The following MUC5B variants were observed in gnomAD, a reference collection of about 807,000 sequenced individuals.
MUC5B encodes mucin-5B.
A neutral mutation model predicts 376.9 loss-of-function variants in MUC5B; 116 were observed. The ratio of observed to expected loss-of-function variants is 0.31; its 90% CI spans 0.26 to 0.36. The LOEUF is 0.36. MUC5B is among the 10% of genes least tolerant of loss of function. The pLI, the probability that MUC5B is intolerant of heterozygous loss-of-function variation, is 1.00. For missense variants in MUC5B, 7,165 were observed against 7,769.9 expected, an observed-to-expected ratio of 0.92 and a Z score of 2.93; for synonymous variants, 3,517 against 3,390.9, an observed-to-expected ratio of 1.04 and a Z score of -1.29.
At chr11:1,252,018 T>C (rs1480375853) in intron 31 of MUC5B, among the ~76,000 whole-genome samples, 1 of 149,678 alleles carries the variant, frequency 6.7e-6, no homozygotes, top group African/African-American at 2.5e-5. Context: ...CGGTCTCCCC[T>C]GGACACAATC....
Position 1,252,877 on chromosome 11 carries a change from G to C in MUC5B, c.15114G>C (p.Leu5038=). The change falls in exon 33 of 49, where the codon CTG becomes CTC. Residue 5038 remains leucine, a synonymous_variant. Transcript: ENST00000529681. Reference sequence around the variant, plus strand: ...GCGTGGGTGACAACCGTGTCGTCCTGCTGGACCCAAAGCCTGTGGCCAACG... The same window carrying C: ...GCGTGGGTGACAACCGTGTCGTCCTCCTGGACCCAAAGCCTGTGGCCAACG... ...ARCVGDNRVV[L]LDPKPVANVT... 1.2e-6 allele frequency: 2 copies of C among 1,612,632 alleles called. No individual in the cohort carries two copies. Among genetic ancestry groups the C allele is most frequent in the Non-Finnish European group, 8.5e-7 (1 of 1,179,844 alleles).
chr11:1,248,421 C>A lies in MUC5B; in HGVS notation c.11541C>A (p.Thr3847=). ...LTTTATTTRA[T]GSVATPSSTP... ...CCACGGCCACCACAACCAGGGCCACCGGCTCTGTGGCCACCCCCTCTTCCA... is the reference window on the plus strand; with the variant it reads ...CCACGGCCACCACAACCAGGGCCACAGGCTCTGTGGCCACCCCCTCTTCCA... Residue 3847 remains threonine, a synonymous_variant, in exon 31 of 49, where the codon ACC becomes ACA. Transcript: ENST00000529681. The A allele has an allele frequency of 1.2e-6, 2 of 1,612,058 alleles. No individual in the cohort carries two copies. The highest frequency in any genetic ancestry group is 1.7e-6 in the Non-Finnish European group (2 of 1,179,096).
Position 1,250,035 on chromosome 11 carries a change from T to C in MUC5B, c.13155T>C (p.Thr4385=), listed in dbSNP as rs1251031666. ...ATSSTSTPSS[T]PGTTWILTEL... is the part of the protein sequence containing the mutation. ...GTTCCACGTCCACCCCCTCCTCCAC[T>C]CCGGGGACGACCTGGATCCTCACAG... Residue 4385 remains threonine (T), a synonymous_variant, in exon 31 of 49, where the codon ACT becomes ACC. Transcript: ENST00000529681. 1.9e-6 allele frequency: 3 copies of C among 1,605,442 alleles called. No individual in the cohort carries two copies. In the Admixed American group the frequency reaches 5.0e-5, roughly 27 times the overall value.
rs1324559640 is a variant in MUC5B at position 1,225,739 on chromosome 11, T to C, written c.127+2T>C. ...ATGCAGGGCACACCATGGATGGCGG[T>C]ATGTGGCCAGGTTCGGGGGTGGGGG... On this transcript the variant is annotated splice_donor_variant, in intron 2 of 48. Coordinates refer to ENST00000529681, the MANE Select transcript of MUC5B (RefSeq NM_002458.3). LOFTEE classifies it high-confidence loss of function. 6.2e-7 allele frequency: 1 copy of C among 1,603,896 alleles called. No individual in the cohort carries two copies. Among genetic ancestry groups the C allele is most frequent in the East Asian group, 2.3e-5 (1 of 44,444 alleles).
rs1564953182 is a variant in MUC5B at position 1,257,141 on chromosome 11, G to C, written c.16238-99G>C. 7.9e-6 allele frequency: 6 copies of C among 762,488 alleles called. No homozygotes were observed. Among genetic ancestry groups the C allele is most frequent in the Non-Finnish European group, 1.5e-5 (6 of 408,266 alleles). 47.2% of individuals were successfully genotyped at this position (762,488 alleles called of 1,614,324 possible). ...GTTCTCCAGGGCCTTCCATCCCGGG[G>C]GGAAGCAGGCTCCAGGCCTGAGAGC... On this transcript the variant is annotated intron_variant, in intron 39 of 48. Coordinates refer to ENST00000529681, the MANE Select transcript of MUC5B (RefSeq NM_002458.3). This position sits in a 1 kb window ranked among gnomAD's most constrained non-coding sequence, Gnocchi z 8.9.
rs573580007 is a variant in MUC5B at position 1,232,265 on chromosome 11, T to A, written c.1843+105T>A. The A allele has an allele frequency of 1.8e-4, 250 of 1,396,322 alleles. 2 individuals are homozygous for A. The African/African-American group carries it at 3.3e-3, about 19-fold the overall frequency. The allele number at this position is 1,396,322 out of a possible 1,614,324, so 86.5% of individuals were successfully genotyped here. A position where few individuals can be genotyped will look rare whatever the true frequency, so the allele number is the denominator to read the frequency against. ...CCCCTGGGTGGGATTGGGGACCCCA[T>A]GGAGGCAGGTGGGAGGCATCAGGAG... On this transcript the variant is annotated intron_variant, in intron 15 of 48. Coordinates refer to ENST00000529681, the MANE Select transcript of MUC5B (RefSeq NM_002458.3).
chr11:1,250,748 C>A lies in MUC5B; in HGVS notation c.13868C>A (p.Thr4623Asn), dbSNP rs543245428. 5.6e-6 allele frequency: 9 copies of A among 1,600,386 alleles called. No homozygotes were observed. In the South Asian group the frequency reaches 7.7e-5, roughly 14 times the overall value. Residue 4623 changes from threonine to asparagine, a missense_variant, in exon 31 of 49, where the codon ACC becomes AAC. Coordinates refer to ENST00000529681, the MANE Select transcript of MUC5B (RefSeq NM_002458.3). ...CCTCCAGTGTGGATCAGCACAACCA[C>A]CACACCCACAACCACCACACCCACA... is the stretch of plus-strand genomic sequence containing the variant. ...LTPPVWISTTTTPTTTTPTTS... is the reference protein window; with the variant it reads ...LTPPVWISTTNTPTTTTPTTS...
rs915643812 is a variant in MUC5B at position 1,251,757 on chromosome 11, G to T, written c.14863+14G>T. The T allele has an allele frequency of 6.5e-7, 1 of 1,532,568 alleles. No homozygotes were observed. The highest frequency in any genetic ancestry group is 8.9e-7 in the Non-Finnish European group (1 of 1,117,580). 94.9% of individuals were successfully genotyped at this position (1,532,568 alleles called of 1,614,324 possible). A position where few individuals can be genotyped will look rare whatever the true frequency, so the allele number is the denominator to read the frequency against. ...TTTTCTCGCCCGGTGAGTGCATGTG[G>T]ATAACACTGCTGTACCCTTTCCCCA... On this transcript the variant is annotated intron_variant, in intron 31 of 48. Coordinates refer to ENST00000529681, the MANE Select transcript of MUC5B (RefSeq NM_002458.3).
chr11:1,244,709 C>G lies in MUC5B; in HGVS notation c.7829C>G (p.Thr2610Ser), dbSNP rs117736426. 0.028 allele frequency: 45,193 copies of G among 1,610,006 alleles called. 1 individual carries two copies. Among genetic ancestry groups the G allele is most frequent in the Non-Finnish European group, 0.031 (36,697 of 1,177,332 alleles). Residue 2610 changes from threonine to serine, a missense_variant, in exon 31 of 49, where the codon ACT becomes AGT. Thr to Ser is a moderately conservative substitution (Grantham distance 58). Coordinates refer to ENST00000529681, the MANE Select transcript of MUC5B (RefSeq NM_002458.3). ...ACAGCTCACACTACCAAAGTGCTGA[C>G]TACCACAACCACGGGCTTCACAGCC... ...PGTAHTTKVL[T>S]TTTTGFTATP...
At position 1,257,602 on chromosome 11, in the gene MUC5B, C is replaced by G; in HGVS notation, c.16342C>G (p.Pro5448Ala). The G allele has an allele frequency of 6.2e-7, 1 of 1,605,302 alleles. No homozygotes were observed. The highest frequency in any genetic ancestry group is 8.5e-7 in the Non-Finnish European group (1 of 1,179,632). ...GGGTTCAGTGTCGGTGCAGTGCAAG[C>G]CCCTGCCCTGTGACGCCCAGGGTCA... ...DEGSVSVQCK[P>A]LPCDAQGQPP... The change falls in exon 41 of 49, where the codon CCC (proline) becomes GCC (alanine). Residue 5448 changes from proline to alanine, a missense_variant. Coordinates refer to ENST00000529681, the MANE Select transcript of MUC5B (RefSeq NM_002458.3). This position sits in a 1 kb window ranked among gnomAD's most constrained non-coding sequence, Gnocchi z 8.9.
At position 1,254,141 on chromosome 11, in the gene MUC5B, C is replaced by G; in HGVS notation, c.15267C>G (p.Thr5089=). 1 of 1,612,954 alleles carries G rather than the reference C, an allele frequency of 6.2e-7. No individual in the cohort carries two copies. Among genetic ancestry groups the G allele is most frequent in the Non-Finnish European group, 8.5e-7 (1 of 1,179,844 alleles). The change falls in exon 34 of 49, where the codon ACC becomes ACG. Residue 5089 remains threonine (T), a synonymous_variant. Transcript: ENST00000529681. ...CCCACTATTCCACCTTTGACGGCAC[C>G]TCTTACACCTTCCGGGGCAACTGCA... is the stretch of plus-strand genomic sequence containing the variant. ...GGSHYSTFDG[T]SYTFRGNCTY... is the part of the protein sequence containing the mutation.
chr11:1,229,660 G>A, intron 9 of MUC5B, 30 bp from the exon 10 acceptor site: 1 of 1,524,656 alleles, frequency 6.6e-7, no homozygotes, highest in Non-Finnish European at 8.8e-7. Context: ...CCGTGCATGG[G>A]CCGGCCCTGC....
At chr11:1,231,387 C>T (rs1422040787) in intron 13 of MUC5B, 36 bp from the exon 14 acceptor site, 3 of 1,585,282 alleles carry the variant, frequency 1.9e-6, no homozygotes, top group African/African-American at 1.3e-5. Context: ...TCTGTCCCTG[C>T]ACCCCTGACC....
chr11:1,247,403 C>A lies in MUC5B; in HGVS notation c.10523C>A (p.Ala3508Asp). Reference protein sequence around the residue: ...TTSTTQHSTPALSSPHPSSRT... With the variant: ...TTSTTQHSTPDLSSPHPSSRT... ...AGTACCACCCAGCACTCGACTCCAG[C>A]CCTGTCCAGCCCTCACCCTAGCAGC... is the stretch of plus-strand genomic sequence containing the variant. The change falls in exon 31 of 49, where the codon GCC becomes GAC. Residue 3508 changes from alanine (A) to aspartate (D), a missense_variant. Coordinates refer to ENST00000529681, the MANE Select transcript of MUC5B (RefSeq NM_002458.3). The A allele has an allele frequency of 6.2e-7, 1 of 1,609,992 alleles. No individual in the cohort carries two copies. Among genetic ancestry groups the A allele is most frequent in the Non-Finnish European group, 8.5e-7 (1 of 1,178,936 alleles).
In MUC5B at chr11:1,259,571, G is replaced by A; in HGVS notation, c.16714-185G>A. ...GAAGGCAGGGGTAGGCAGAGAGAAGGTGCTGGAAACTGGGGTGAGGCTGAG... is the reference window on the plus strand; with the variant it reads ...GAAGGCAGGGGTAGGCAGAGAGAAGATGCTGGAAACTGGGGTGAGGCTGAG... On this transcript the variant is annotated intron_variant, in intron 44 of 48. Coordinates refer to ENST00000529681, the MANE Select transcript of MUC5B (RefSeq NM_002458.3). 3.9e-5 allele frequency: 24 copies of A among 619,268 alleles called. 2 individuals carry two copies. The South Asian group carries it at 4.3e-4, about 11-fold the overall frequency. 38.4% of individuals were successfully genotyped at this position (619,268 alleles called of 1,614,324 possible). A position where few individuals can be genotyped will look rare whatever the true frequency, so the allele number is the denominator to read the frequency against.
Position 1,228,958 on chromosome 11 carries a change from G to C in MUC5B, c.976+193G>C, listed in dbSNP as rs1166280238. Reference sequence around the variant, plus strand: ...GGGCCTCCGGGGGCTGCAGGAGAAGGAGAGGCTGTGGAGAGGCTGTGCAGC... The same window carrying C: ...GGGCCTCCGGGGGCTGCAGGAGAAGCAGAGGCTGTGGAGAGGCTGTGCAGC... On this transcript the variant is annotated intron_variant, in intron 8 of 48. Transcript: ENST00000529681. Among the ~76,000 whole-genome samples, 6 of 152,002 alleles carry C rather than the reference G, an allele frequency of 3.9e-5. No individual in the cohort carries two copies. The East Asian group carries it at 1.2e-3, about 29-fold the overall frequency.
At chr11:1,237,473 A>G (rs2133819276) in intron 25 of MUC5B, among the ~76,000 whole-genome samples, 1 of 152,196 alleles carries the variant, frequency 6.6e-6, no homozygotes, top group Middle Eastern at 3.4e-3. Flanking sequence ...CTCCTCTATG[A>G]TCCCCAGACC....
rs773619220 is a variant in MUC5B, at chr11:1,247,738, C to G, written c.10858C>G (p.Gln3620Glu). The part of the protein sequence containing the change: ...EQPLGLECRA[Q>E]AQPGVPLREL... ...GCCCCTGGGCCTCGAGTGCCGTGCC[C>G]AGGCCCAGCCTGGTGTCCCCCTGCG... The change falls in exon 31 of 49, where the codon CAG (glutamine) becomes GAG (glutamate). Residue 3620 changes from glutamine to glutamate, a missense_variant. Around this residue, in one of 31 missense-constraint regions of MUC5B, gnomAD observed 81 missense variants for 154.5 expected, o/e 0.52. Transcript: ENST00000529681. 33 of 1,605,890 alleles carry G rather than the reference C, an allele frequency of 2.1e-5. No individual in the cohort carries two copies. Among genetic ancestry groups the G allele is most frequent in the Non-Finnish European group, 2.7e-5 (32 of 1,176,802 alleles).
chr11:1,234,094 G>T lies in MUC5B; in HGVS notation c.2378-111G>T. 1 of 951,292 alleles carries T rather than the reference G, an allele frequency of 1.1e-6. No homozygotes were observed. The highest frequency in any genetic ancestry group is 1.5e-5 in the South Asian group (1 of 65,876). 58.9% of individuals were successfully genotyped at this position (951,292 alleles called of 1,614,324 possible). A position where few individuals can be genotyped will look rare whatever the true frequency, so the allele number is the denominator to read the frequency against. Reference sequence around the variant, plus strand: ...GGGCTGCAGGTGTCATGGAAGCTTTGGCTCGGGGGCTGTTAACTTGATCAG... The same window carrying T: ...GGGCTGCAGGTGTCATGGAAGCTTTTGCTCGGGGGCTGTTAACTTGATCAG... On this transcript the variant is annotated intron_variant, in intron 19 of 48. Transcript: ENST00000529681. The surrounding 1 kb of genome is among the most constrained non-coding windows in gnomAD (Gnocchi z 6.3).
Sources: gnomAD v4.1 joint callset for allele counts (sites outside exome capture counted in the v4.1 genomes callset) on GRCh38, gnomAD v4.1.1 for gene constraint, gnomAD v4.1.1 regional missense constraint, Gnocchi (gnomAD v3.1) non-coding constraint, MANE v1.5 for transcripts, NCBI Gene and HGNC (gene_info 2026-07-23, HGNC 2026-07-21) for gene names.